Variants in KIF26B observed in about 807,000 individuals in gnomAD.
KIF26B encodes kinesin family member 26B.
KIF26B carries 63 observed loss-of-function variants against 151.2 expected under a neutral mutation model. That is an observed-to-expected ratio of 0.42 (90% confidence interval 0.34 to 0.51). The LOEUF (loss-of-function observed/expected upper bound fraction) is 0.51, where lower values mean the gene tolerates loss of function less well. Ranked by LOEUF, KIF26B falls within the 20% of genes least tolerant of loss-of-function variation. KIF26B has a pLI of 0.07. For missense variants in KIF26B, 2,813 were observed against 2,913.6 expected (o/e 0.97, Z 0.79); for synonymous variants, 1,357 against 1,262.1 (o/e 1.08, Z -1.59).
chr1:245,193,188 C>T (rs1044775909), intron 2 of KIF26B, among the ~76,000 whole-genome samples: 3 of 152,322 alleles, frequency 2.0e-5, no homozygotes, highest in African/African-American at 4.8e-5. Context: ...TGATGGCCTC[C>T]AGCCCCATCC....
intron 5 of KIF26B, among the ~76,000 whole-genome samples, chr1:245,541,950 C>A (rs1020503148): frequency 9.2e-5 from 14 of 152,314 alleles, no homozygotes; most frequent in Admixed American, 8.5e-4. Context: ...TCACCTTTCC[C>A]AGTTTCTCCC....
chr1:245,378,212 G>C (rs927651829), intron 3 of KIF26B, among the ~76,000 whole-genome samples: 3 of 151,978 alleles, frequency 2.0e-5, no homozygotes, highest in Non-Finnish European at 4.4e-5. Context: ...ACATTTCTAG[G>C]CTCTAAAAGG....
chr1:245,699,920 G>A (rs10924309), intron 14 of KIF26B, among the ~76,000 whole-genome samples: 102,685 of 152,032 alleles, frequency 0.68, 35,669 homozygotes, highest in Middle Eastern at 0.78. Context: ...TGGTTGAAAA[G>A]ATATTGGTGT....
At chr1:245,439,742 A>C (rs1402067894) in intron 4 of KIF26B, among the ~76,000 whole-genome samples, 1 of 152,210 alleles carries the variant, frequency 6.6e-6, no homozygotes, top group African/African-American at 2.4e-5. Flanking sequence ...GACTTGGAGA[A>C]ACTGTTTATA....
At chr1:245,422,376 C>T (rs1006734248) in intron 4 of KIF26B, among the ~76,000 whole-genome samples, 2 of 152,000 alleles carry the variant, frequency 1.3e-5, no homozygotes, top group Non-Finnish European at 2.9e-5. Flanking sequence ...CACCTCCCAG[C>T]GAGGGAGGCA....
intron 2 of KIF26B, among the ~76,000 whole-genome samples, chr1:245,163,493 G>T (rs959616241): frequency 5.3e-5 from 8 of 152,168 alleles, no homozygotes; most frequent in African/African-American, 1.9e-4. Context: ...GTTTGGCAGG[G>T]CTAGCTCTCT....
At chr1:245,634,883 T>C (rs1308207333) in intron 9 of KIF26B, among the ~76,000 whole-genome samples, 1 of 152,032 alleles carries the variant, frequency 6.6e-6, no homozygotes, top group Non-Finnish European at 1.5e-5. Flanking sequence ...CAGCTAATTT[T>C]TTATACTTTT....
At chr1:245,531,990 A>G (rs1043733041) in intron 4 of KIF26B, among the ~76,000 whole-genome samples, 8 of 151,770 alleles carry the variant, frequency 5.3e-5, no homozygotes, top group Non-Finnish European at 1.2e-4. Flanking sequence ...AGTCCTCGCT[A>G]CTCTCTAGGA....
At chr1:245,348,870 C>T (rs892300525) in intron 2 of KIF26B, among the ~76,000 whole-genome samples, 1 of 152,204 alleles carries the variant, frequency 6.6e-6, no homozygotes, top group Non-Finnish European at 1.5e-5. Flanking sequence ...CCCCACGATG[C>T]CTGCTGTGGC....
chr1:245,214,394 T>G (rs1669601992), intron 2 of KIF26B, among the ~76,000 whole-genome samples: 1 of 151,450 alleles, frequency 6.6e-6, no homozygotes, highest in African/African-American at 2.4e-5. Flanking sequence ...TTTTTTAATA[T>G]CATCATAAAC....
chr1:245,353,720 A>G (rs1672620262), intron 2 of KIF26B: 1 of 152,614 alleles, frequency 6.6e-6, no homozygotes, highest in East Asian at 1.9e-4. Context: ...CCCCACCACC[A>G]TCCTGCTGTA....
chr1:245,594,041 T>A (rs1411692731), intron 5 of KIF26B, among the ~76,000 whole-genome samples: 2 of 152,248 alleles, frequency 1.3e-5, no homozygotes, highest in African/African-American at 4.8e-5. Flanking sequence ...TAAATTTGTT[T>A]AAGTTCTTTG....
intron 14 of KIF26B, among the ~76,000 whole-genome samples, chr1:245,700,395 C>T (rs1160253542): frequency 6.6e-6 from 1 of 152,072 alleles, no homozygotes; most frequent in African/African-American, 2.4e-5. Flanking sequence ...AGTTCAACAA[C>T]AGGAGACATT....
Position 245,530,477 on chromosome 1 carries a change from T to C in KIF26B, c.1167-10290T>C, listed in dbSNP as rs1205090325. On this transcript the variant is annotated intron_variant, in intron 4 of 14. Coordinates refer to ENST00000407071, the MANE Select transcript of KIF26B (RefSeq NM_018012.4). ...ATGAATAAAGAAAAGGTGGTACATA[T>C]ACAGAATGGAGTACTCTTCAGCCAT... is the stretch of plus-strand genomic sequence containing the variant. Among the ~76,000 whole-genome samples, 4 of 152,278 alleles carry C rather than the reference T, an allele frequency of 2.6e-5. No homozygotes were observed. The East Asian group carries it at 5.8e-4, about 22-fold the overall frequency.
chr1:245,636,559 AG>A (rs150442428), intron 9 of KIF26B, among the ~76,000 whole-genome samples: 4,295 of 152,124 alleles, frequency 0.028, 104 homozygotes, highest in South Asian at 0.054. Context: ...TATTAACTAT[AG>A]TTCTTCTACT....
At chr1:245,509,453 C>G (rs190173721) in intron 4 of KIF26B, among the ~76,000 whole-genome samples, 17 of 152,320 alleles carry the variant, frequency 1.1e-4, no homozygotes, top group African/African-American at 4.1e-4. Context: ...TCATTCCCCT[C>G]TCACCATTCT....
chr1:245,526,643 C>T (rs1017893807), intron 4 of KIF26B, among the ~76,000 whole-genome samples: 1 of 152,180 alleles, frequency 6.6e-6, no homozygotes, highest in Non-Finnish European at 1.5e-5. Context: ...GAGCATGTCA[C>T]CCAGCGTTGA....
At chr1:245,438,440 A>T (rs752125880) in intron 4 of KIF26B, among the ~76,000 whole-genome samples, 6 of 152,246 alleles carry the variant, frequency 3.9e-5, no homozygotes, top group Admixed American at 2.0e-4. Context: ...AAGAGAGGAT[A>T]TACTTTATTT....
At chr1:245,541,054 G>A (rs945862194) in intron 5 of KIF26B, 104 bp downstream of exon 5, 18 of 959,420 alleles carry the variant, frequency 1.9e-5, no homozygotes, top group Non-Finnish European at 2.7e-5. Flanking sequence ...ATAAGACGTT[G>A]CCAGGGAGAA....
Sources: gnomAD v4.1 joint callset for allele counts (sites outside exome capture counted in the v4.1 genomes callset) on GRCh38, gnomAD v4.1.1 for gene constraint, MANE v1.5 for transcripts, NCBI Gene and HGNC (gene_info 2026-07-23, HGNC 2026-07-21) for gene names.